The following CCDC178 variants were observed in gnomAD, a reference collection of about 807,000 sequenced individuals.
CCDC178 encodes coiled-coil domain-containing protein 178.
Under a neutral mutation model 117.4 loss-of-function variants are expected in CCDC178, and 126 were observed. The observed-to-expected ratio is 1.07, with a 90% CI of 0.93 to 1.24. CCDC178 has a LOEUF of 1.24. Among genes scored for constraint, CCDC178 ranks in the 50% most tolerant of loss-of-function variants. The pLI, the probability that CCDC178 is intolerant of heterozygous loss-of-function variation, is 0.00. For missense variants in CCDC178, 1,030 were observed against 986.9 expected, an observed-to-expected ratio of 1.04 and a Z score of -0.59; for synonymous variants, 283 against 313.4, an observed-to-expected ratio of 0.90 and a Z score of 1.02.
At chr18:33,306,412 TTGTGTGTGTGTGTGTGTGTG>T (rs71159815) in intron 11 of CCDC178, among the ~76,000 whole-genome samples, 1 of 126,252 alleles carries the variant, frequency 7.9e-6, no homozygotes, top group Non-Finnish European at 1.6e-5. Context: ...TATTGGATCT[TTGTGTGTGTGTGTGTGTGTG>T]TGTGTGTGTG....
At chr18:33,023,930 T>G (rs1431952548) in intron 21 of CCDC178, among the ~76,000 whole-genome samples, 1 of 152,140 alleles carries the variant, frequency 6.6e-6, no homozygotes, top group African/African-American at 2.4e-5. Context: ...CTGATCTTGT[T>G]GACATCAAAA....
chr18:33,057,964 C>T (rs9675875), intron 21 of CCDC178, among the ~76,000 whole-genome samples: 21,599 of 152,028 alleles, frequency 0.14, 2,373 homozygotes, highest in African/African-American at 0.31. Context: ...ACTTCTCACC[C>T]TCTAGGAGGG....
rs1306068624 is a variant in CCDC178, at chr18:33,105,741, G to T, written c.2239-12831C>A. Reference sequence around the variant, plus strand: ...CTAGTTTGCAAAAGCATTTTACTGTGTAATCTCTCTGTGTTGCATTCCAGT... The same window carrying T: ...CTAGTTTGCAAAAGCATTTTACTGTTTAATCTCTCTGTGTTGCATTCCAGT... On this transcript the variant is annotated intron_variant, in intron 20 of 22. Transcript: ENST00000383096. 4.0e-5 allele frequency among the ~76,000 whole-genome samples: 6 copies of T among 151,576 alleles called. No homozygotes were observed. The Admixed American group carries it at 4.0e-4, about 10-fold the overall frequency.
rs539096567 is a variant in CCDC178 at position 32,954,166 on chromosome 18, T to C, written c.2524-16075A>G. On this transcript the variant is annotated intron_variant, in intron 22 of 22. Coordinates refer to ENST00000383096, the MANE Select transcript of CCDC178 (RefSeq NM_001105528.4). Reference sequence around the variant, plus strand: ...CCTAATGCTGCCCTGGTTCATTTTTTTCATTAATTAACTCAATACCAGATT... The same window carrying C: ...CCTAATGCTGCCCTGGTTCATTTTTCTCATTAATTAACTCAATACCAGATT... 10 of 152,290 alleles carry C rather than the reference T, an allele frequency of 6.6e-5. No homozygotes were observed. In the South Asian group the frequency reaches 2.1e-3, roughly 32 times the overall value. The allele number at this position is 152,290 out of a possible 1,614,324, so 9.4% of individuals were successfully genotyped here.
intron 21 of CCDC178, among the ~76,000 whole-genome samples, chr18:32,996,748 T>A (rs569751442): frequency 6.6e-5 from 10 of 152,094 alleles, no homozygotes; most frequent in Non-Finnish European, 1.0e-4. Context: ...AAATAATTTT[T>A]AAAAAATCTG....
intron 2 of CCDC178, among the ~76,000 whole-genome samples, chr18:33,415,782 T>C (rs1461252450): frequency 6.6e-6 from 1 of 152,156 alleles, no homozygotes; most frequent in East Asian, 1.9e-4. Flanking sequence ...ATGGAATAGA[T>C]ATACACTTTT....
chr18:33,214,808 T>G (rs551051549), intron 19 of CCDC178, among the ~76,000 whole-genome samples: 1 of 152,096 alleles, frequency 6.6e-6, no homozygotes, highest in Admixed American at 6.6e-5. Context: ...AGGCTGGGCA[T>G]AAATTTTTTC....
At chr18:33,056,370 G>A (rs1253124114) in intron 21 of CCDC178, among the ~76,000 whole-genome samples, 1 of 152,142 alleles carries the variant, frequency 6.6e-6, no homozygotes, top group African/African-American at 2.4e-5. Context: ...TTCTAAGATT[G>A]TCATCAAATA....
At chr18:33,052,841 G>T (rs1598831183) in intron 21 of CCDC178, among the ~76,000 whole-genome samples, 1 of 152,018 alleles carries the variant, frequency 6.6e-6, no homozygotes, top group African/African-American at 2.4e-5. Context: ...ATGTATTTTG[G>T]TAGGGAAAGG....
At chr18:32,996,876 A>T (rs1428102211) in intron 21 of CCDC178, among the ~76,000 whole-genome samples, 1 of 152,172 alleles carries the variant, frequency 6.6e-6, no homozygotes, top group Non-Finnish European at 1.5e-5. Context: ...CAATAAGAAA[A>T]AAGAATACCT....
chr18:32,994,078 A>G (rs894834447), intron 21 of CCDC178, among the ~76,000 whole-genome samples: 2 of 152,006 alleles, frequency 1.3e-5, no homozygotes, highest in Non-Finnish European at 2.9e-5. Flanking sequence ...CAGAGTCCTA[A>G]TATTATCTCT....
chr18:33,037,709 C>A (rs1220511742), intron 21 of CCDC178, among the ~76,000 whole-genome samples: 1 of 151,726 alleles, frequency 6.6e-6, no homozygotes, highest in African/African-American at 2.4e-5. Context: ...AAGTTAGATA[C>A]CAAGAGTATG....
intron 21 of CCDC178, among the ~76,000 whole-genome samples, chr18:33,083,051 A>T (rs2057322572): frequency 1.3e-5 from 2 of 152,228 alleles, no homozygotes; most frequent in African/African-American, 4.8e-5. Flanking sequence ...ACAACAATAA[A>T]TGTAACTGAA....
intron 11 of CCDC178, among the ~76,000 whole-genome samples, chr18:33,299,696 G>T (rs2062151061): frequency 6.6e-6 from 1 of 150,982 alleles, no homozygotes; most frequent in Admixed American, 6.6e-5. Flanking sequence ...GTACACAATG[G>T]GAGAAAATAT....
At chr18:33,049,954 G>T (rs913049469) in intron 21 of CCDC178, among the ~76,000 whole-genome samples, 14 of 152,078 alleles carry the variant, frequency 9.2e-5, no homozygotes, top group African/African-American at 3.4e-4. Flanking sequence ...TGGTTCAGGC[G>T]CCTGTAATCC....
At chr18:33,051,199 A>G (rs1158559577) in intron 21 of CCDC178, among the ~76,000 whole-genome samples, 1 of 152,172 alleles carries the variant, frequency 6.6e-6, no homozygotes, top group Non-Finnish European at 1.5e-5. Flanking sequence ...TGCATAAGCC[A>G]CTGCACCCAG....
intron 11 of CCDC178, among the ~76,000 whole-genome samples, chr18:33,302,113 T>G (rs1004867088): frequency 6.6e-6 from 1 of 152,060 alleles, no homozygotes; most frequent in Non-Finnish European, 1.5e-5. Flanking sequence ...TGTTTAAAAG[T>G]GTGTGACACC....
chr18:32,991,266 C>T (rs775123575), intron 21 of CCDC178, among the ~76,000 whole-genome samples: 13 of 151,990 alleles, frequency 8.6e-5, no homozygotes, highest in Non-Finnish European at 1.5e-4. Flanking sequence ...AAATGTTTGC[C>T]GGGCAAATTA....
intron 6 of CCDC178, among the ~76,000 whole-genome samples, chr18:33,364,436 A>G (rs1202628335): frequency 6.6e-6 from 1 of 152,090 alleles, no homozygotes; most frequent in African/African-American, 2.4e-5. Flanking sequence ...TGGAATGGAG[A>G]AAGAAAGACA....
Sources: gnomAD v4.1 joint callset for allele counts (sites outside exome capture counted in the v4.1 genomes callset) on GRCh38, gnomAD v4.1.1 for gene constraint, MANE v1.5 for transcripts, NCBI Gene and HGNC (gene_info 2026-07-23, HGNC 2026-07-21) for gene names.